The following ACACB variants were observed in gnomAD, a reference collection of about 807,000 sequenced individuals.
The protein encoded by ACACB is acetyl-CoA carboxylase beta.
Under a neutral mutation model 278.8 loss-of-function variants are expected in ACACB, and 209 were observed. The ratio of observed to expected loss-of-function variants is 0.75; its 90% CI spans 0.67 to 0.84. ACACB has a LOEUF of 0.84. ACACB is among the 40% of genes least tolerant of loss of function. The pLI is 0.00. For missense variants in ACACB, 2,850 were observed against 3,269.0 expected, an observed-to-expected ratio of 0.87 and a Z score of 3.13; for synonymous variants, 1,174 against 1,285.6, an observed-to-expected ratio of 0.91 and a Z score of 1.86.
At chr12:109,175,888 C>A in intron 7 of ACACB, 43 bp from the exon 8 acceptor site, 1 of 1,568,370 alleles carries the variant, frequency 6.4e-7, no homozygotes, top group South Asian at 1.1e-5. Context: ...GTGTGTGTTT[C>A]TCCTGGATTT....
Position 109,222,622 on chromosome 12 carries a change from T to A in ACACB, c.3678+2T>A. ...AAAGTGGCCCTCAGAGCCCGGCAGG[T>A]AGGGTCTCAGGGTGCGGTCCCCACG... On this transcript the variant is annotated splice_donor_variant, in intron 25 of 52. Coordinates refer to ENST00000338432, the MANE Select transcript of ACACB (RefSeq NM_001093.4). LOFTEE classifies it high-confidence loss of function. 1 of 1,613,434 alleles carries A rather than the reference T, an allele frequency of 6.2e-7. No individual in the cohort carries two copies. The highest frequency in any genetic ancestry group is 1.3e-5 in the African/African-American group (1 of 74,988).
intron 22 of ACACB, among the ~76,000 whole-genome samples, chr12:109,215,167 G>C (rs993598233): frequency 6.6e-6 from 1 of 151,786 alleles, no homozygotes; most frequent in African/African-American, 2.4e-5. Flanking sequence ...TTTCCAGTTT[G>C]TCTTTTTAAA....
intron 16 of ACACB, 34 bp downstream of exon 16, chr12:109,193,763 C>T (rs753229769): frequency 8.2e-5 from 127 of 1,548,128 alleles, no homozygotes; most frequent in Non-Finnish European, 9.5e-5. Flanking sequence ...ATGTCTCCAA[C>T]ACTCTGCAAG....
chr12:109,182,756 C>T (rs886825213), intron 11 of ACACB, among the ~76,000 whole-genome samples: 2 of 152,150 alleles, frequency 1.3e-5, no homozygotes, highest in African/African-American at 4.8e-5. Flanking sequence ...ATTGTCTCTT[C>T]CCTTTGTTGA....
intron 29 of ACACB, 147 bp from the exon 30 acceptor site, chr12:109,233,601 C>T (rs2046542569): frequency 1.5e-6 from 1 of 667,406 alleles, no homozygotes; most frequent in Non-Finnish European, 2.6e-6. Context: ...AGGGAACCTC[C>T]TGAGCTCTGT....
At chr12:109,191,215 CTTT>C (rs573960328) in intron 13 of ACACB, among the ~76,000 whole-genome samples, 5 of 137,076 alleles carry the variant, frequency 3.6e-5, no homozygotes, top group African/African-American at 2.8e-5. Context: ...CTTAACTCTT[CTTT>C]TTTTTTTTTT....
At chr12:109,202,258 G>A (rs185356710) in intron 19 of ACACB, among the ~76,000 whole-genome samples, 1 of 152,064 alleles carries the variant, frequency 6.6e-6, no homozygotes, top group Admixed American at 6.6e-5. Flanking sequence ...TATTCTCTGT[G>A]GCCAGTTTCC....
intron 2 of ACACB, among the ~76,000 whole-genome samples, chr12:109,156,557 A>G (rs1373243714): frequency 6.6e-6 from 1 of 150,426 alleles, no homozygotes; most frequent in African/African-American, 2.5e-5. Flanking sequence ...AATCCCCTAT[A>G]AGTAGCGGAT....
chr12:109,143,238 G>A (rs1296130099), intron 2 of ACACB, among the ~76,000 whole-genome samples: 1 of 151,966 alleles, frequency 6.6e-6, no homozygotes, highest in Non-Finnish European at 1.5e-5. Context: ...GAGGTGGGTG[G>A]ATTGCTTGAG....
chr12:109,216,976 G>T, intron 24 of ACACB, 56 bp downstream of exon 24: 18 of 1,578,040 alleles, frequency 1.1e-5, no homozygotes, highest in Non-Finnish European at 1.5e-5. Flanking sequence ...GTCCACAAAC[G>T]TTTTCTTAAA....
chr12:109,210,009 A>T (rs1259127752), intron 21 of ACACB, among the ~76,000 whole-genome samples: 1 of 117,512 alleles, frequency 8.5e-6, no homozygotes. Context: ...GTATATGTGT[A>T]TATATACACA....
chr12:109,115,335 G>C (rs959137776), upstream of ACACB, among the ~76,000 whole-genome samples: 1 of 152,130 alleles, frequency 6.6e-6, no homozygotes, highest in African/African-American at 2.4e-5. Context: ...ACCCTGCCTA[G>C]ATCATGATTA....
chr12:109,120,031 C>T (rs1439480236), intron 1 of ACACB, among the ~76,000 whole-genome samples: 1 of 152,182 alleles, frequency 6.6e-6, no homozygotes, highest in South Asian at 2.1e-4. Context: ...TATTTAGAAG[C>T]AAATCAGCTG....
In ACACB at chr12:109,246,384, G is replaced by A. The variant is rs1339445294; in HGVS notation, c.5507G>A (p.Gly1836Asp). 3 of 1,613,520 alleles carry A rather than the reference G, an allele frequency of 1.9e-6. No individual in the cohort carries two copies. Among genetic ancestry groups the A allele is most frequent in the Non-Finnish European group, 2.5e-6 (3 of 1,179,948 alleles). Reference sequence around the variant, plus strand: ...GCAGCCAACAGTGGCGCCCGTATTGGCATGGCAGAGGAGATCAAACACATG... The same window carrying A: ...GCAGCCAACAGTGGCGCCCGTATTGACATGGCAGAGGAGATCAAACACATG... ...YVAANSGARIGMAEEIKHMFH... is the reference protein window; with the variant it reads ...YVAANSGARIDMAEEIKHMFH... Residue 1836 changes from glycine (G) to aspartate (D), a missense_variant, in exon 39 of 53, where the codon GGC becomes GAC. This residue lies in a region of ACACB where 2,265 missense variants were observed against 2,561.3 expected (regional missense o/e 0.88). Coordinates refer to ENST00000338432, the MANE Select transcript of ACACB (RefSeq NM_001093.4).
At chr12:109,169,635 C>A (rs1329092660) in intron 4 of ACACB, among the ~76,000 whole-genome samples, 1 of 152,186 alleles carries the variant, frequency 6.6e-6, no homozygotes, top group Admixed American at 6.5e-5. Flanking sequence ...GAAGGTGCTT[C>A]TCCCAGAGCC....
intron 11 of ACACB, among the ~76,000 whole-genome samples, chr12:109,183,581 A>G (rs2044552865): frequency 6.6e-6 from 1 of 151,754 alleles, no homozygotes; most frequent in Non-Finnish European, 1.5e-5. Context: ...TTTTTTCCAG[A>G]CCATTCGCTC....
At chr12:109,136,551 A>G (rs1315336156) in intron 1 of ACACB, among the ~76,000 whole-genome samples, 1 of 152,240 alleles carries the variant, frequency 6.6e-6, no homozygotes, top group Non-Finnish European at 1.5e-5. Context: ...AAAAGGAAAC[A>G]TTGAAATTAA....
intron 34 of ACACB, among the ~76,000 whole-genome samples, chr12:109,238,831 C>T (rs902634459): frequency 6.6e-6 from 1 of 151,912 alleles, no homozygotes; most frequent in Non-Finnish European, 1.5e-5. Context: ...TCCCAAAGTG[C>T]TGGGATTACA....
At chr12:109,231,112 A>C (rs1218569413) in intron 28 of ACACB, among the ~76,000 whole-genome samples, 1 of 152,006 alleles carries the variant, frequency 6.6e-6, no homozygotes, top group Non-Finnish European at 1.5e-5. Context: ...ATGGTGCTTT[A>C]GGTCACCGAG....
Sources: allele counts gnomAD v4.1 joint callset (sites outside exome capture counted in the v4.1 genomes callset), GRCh38; gene constraint gnomAD v4.1.1; regional missense constraint gnomAD v4.1.1; transcripts MANE v1.5; gene names NCBI Gene and HGNC (gene_info 2026-07-23, HGNC 2026-07-21).